ABCB11: variants seen among roughly 807,000 people sequenced by gnomAD.
ABCB11 encodes the protein ATP binding cassette subfamily B member 11, also known as bile salt export pump.
Under a neutral mutation model 148.0 loss-of-function variants are expected in ABCB11, and 95 were observed. The observed-to-expected ratio is 0.64, with a 90% CI of 0.54 to 0.76. The LOEUF (loss-of-function observed/expected upper bound fraction) is 0.76, where lower values mean the gene tolerates loss of function less well. Among genes scored for constraint, ABCB11 ranks in the 30% least tolerant of loss-of-function variants. ABCB11 has a pLI of 0.00. For synonymous variants in ABCB11, 591 were observed against 555.4 expected, an observed-to-expected ratio of 1.06 and a Z score of -0.90; for missense variants, 1,523 against 1,617.8, an observed-to-expected ratio of 0.94 and a Z score of 1.01.
Position 168,995,479 on chromosome 2 carries a change from A to G in ABCB11, c.481T>C (p.Cys161Arg), listed in dbSNP as rs1694683796. The G allele has an allele frequency of 6.2e-7, 1 of 1,609,060 alleles. No individual in the cohort carries two copies. Among genetic ancestry groups the G allele is most frequent in the Non-Finnish European group, 8.5e-7 (1 of 1,177,812 alleles). ...CGAGCTGCGGCAATGACCCAAAAGC[A>G]TATCTGGAAATGGACAAAGGAATGT... ...AVLITGYIQI[C>R]FWVIAAARQI... Residue 161 changes from cysteine (C) to arginine (R), a missense_variant, in exon 7 of 28, where the codon TGC becomes CGC. Coordinates refer to ENST00000650372, the MANE Select transcript of ABCB11 (RefSeq NM_003742.4).
At chr2:169,008,814 A>G (rs1695094516) in intron 5 of ABCB11, among the ~76,000 whole-genome samples, 1 of 152,222 alleles carries the variant, frequency 6.6e-6, no homozygotes, top group Non-Finnish European at 1.5e-5. Context: ...AGAAATGAAG[A>G]CATGTCCACA....
chr2:169,016,943 CT>C, intron 2 of ABCB11, 144 bp from the exon 3 acceptor site: 1 of 596,260 alleles, frequency 1.7e-6, no homozygotes, highest in South Asian at 1.8e-5. Context: ...TTTGCCTTTT[CT>C]TTCTTCCTGC....
intron 11 of ABCB11, among the ~76,000 whole-genome samples, chr2:168,977,681 T>A (rs78001204): frequency 0.036 from 5,413 of 152,206 alleles, 390 homozygotes; most frequent in East Asian, 0.3. Context: ...GATTCATAGT[T>A]CCAAATGGCT....
intron 17 of ABCB11, among the ~76,000 whole-genome samples, chr2:168,965,890 T>A (rs753690828): frequency 7.2e-5 from 11 of 151,860 alleles, no homozygotes; most frequent in Non-Finnish European, 1.5e-4. Flanking sequence ...TTTGTTCCCA[T>A]TTTCTGTTAA....
intron 18 of ABCB11, among the ~76,000 whole-genome samples, chr2:168,963,299 T>C (rs1574438105): frequency 1.3e-5 from 2 of 151,868 alleles, no homozygotes; most frequent in African/African-American, 4.8e-5. Flanking sequence ...CCAAGTTGAT[T>C]CAAACACAAA....
Position 168,969,131 on chromosome 2 carries a change from AG to A in ABCB11, c.2011+218del, listed in dbSNP as rs35908291. ...TGCGCAGGGTTAAAAAAAAAAAAAA[AG>A]GGGGGGATGGAATTGAAAGTTAGAA... On this transcript the variant is annotated intron_variant, in intron 16 of 27. Transcript: ENST00000650372. 0.04 allele frequency among the ~76,000 whole-genome samples: 5,270 copies of A among 132,656 alleles called. 140 individuals are homozygous for A. Among genetic ancestry groups the A allele is most frequent in the African/African-American group, 0.087 (2,819 of 32,460 alleles). 87.0% of individuals were successfully genotyped at this position (132,656 alleles called of 152,430 possible).
chr2:169,023,881 A>T (rs1299058557), intron 1 of ABCB11, among the ~76,000 whole-genome samples: 1 of 152,238 alleles, frequency 6.6e-6, no homozygotes, highest in African/African-American at 2.4e-5. Flanking sequence ...TAAAACAAAA[A>T]GTTCCAGCAA....
chr2:169,009,199 A>G (rs1695106495), intron 5 of ABCB11, among the ~76,000 whole-genome samples: 1 of 152,278 alleles, frequency 6.6e-6, no homozygotes, highest in African/African-American at 2.4e-5. Context: ...TTCTAGAAAT[A>G]CCATTTGACC....
At chr2:168,971,593 G>C (rs1290907216) in intron 14 of ABCB11, among the ~76,000 whole-genome samples, 2 of 151,974 alleles carry the variant, frequency 1.3e-5, no homozygotes, top group African/African-American at 4.8e-5. Context: ...CCCCAGTTTG[G>C]TAGATGTTTA....
intron 1 of ABCB11, among the ~76,000 whole-genome samples, chr2:169,029,177 A>G (rs1256902646): frequency 6.6e-6 from 1 of 151,926 alleles, no homozygotes; most frequent in Non-Finnish European, 1.5e-5. Context: ...CCAGCGCCAC[A>G]AACTCCCCCT....
chr2:169,014,016 T>C (rs1443404903), intron 4 of ABCB11, among the ~76,000 whole-genome samples: 1 of 152,188 alleles, frequency 6.6e-6, no homozygotes, highest in African/African-American at 2.4e-5. Flanking sequence ...AATAAATATA[T>C]ATATGTGATT....
Position 169,014,362 on chromosome 2 carries a change from G to A in ABCB11, c.99-8C>T. On this transcript the variant is annotated splice_region_variant and splice_polypyrimidine_tract_variant and intron_variant, in intron 3 of 27. Transcript: ENST00000650372. ...TTCTTCTCATCTTGTAACCTGATGA[G>A]AAAAACATAAGGATTTAAAGACCAC... 1 of 1,612,524 alleles carries A rather than the reference G, an allele frequency of 6.2e-7. No homozygotes were observed.
In ABCB11 at chr2:168,996,635, T is replaced by C. The variant is rs191042013; in HGVS notation, c.477A>G (p.Gln159=). ...TAAATTATACGGAGGAGCTACTAAC[T>C]TGAATATATCCTGTGATAAGTACTG... ...AVAVLITGYI[Q]ICFWVIAAAR... is the part of the protein sequence containing the mutation. The change falls in exon 6 of 28, where the codon CAA becomes CAG. Residue 159 remains glutamine (Q), a splice_region_variant and synonymous_variant. Coordinates refer to ENST00000650372, the MANE Select transcript of ABCB11 (RefSeq NM_003742.4). 73 of 1,505,872 alleles carry C rather than the reference T, an allele frequency of 4.8e-5. No individual in the cohort carries two copies. The African/African-American group carries it at 7.1e-4, about 15-fold the overall frequency. 93.3% of individuals were successfully genotyped at this position (1,505,872 alleles called of 1,614,324 possible). A position where few individuals can be genotyped will look rare whatever the true frequency, so the allele number is the denominator to read the frequency against.
intron 22 of ABCB11, 144 bp from the exon 23 acceptor site, chr2:168,935,569 G>A (rs1023956039): frequency 7.8e-6 from 9 of 1,154,738 alleles, no homozygotes; most frequent in Non-Finnish European, 1.1e-5. Flanking sequence ...ACAAAGACGT[G>A]GCTGGAGATC....
At chr2:168,984,304 C>G (rs1694241297) in intron 10 of ABCB11, among the ~76,000 whole-genome samples, 1 of 152,098 alleles carries the variant, frequency 6.6e-6, no homozygotes, top group Non-Finnish European at 1.5e-5. Context: ...CTTGTCTTCT[C>G]CATTAAAGTG....
At chr2:168,968,396 G>T (rs1044596989) in intron 17 of ABCB11, 31 bp downstream of exon 17, 2 of 1,598,216 alleles carry the variant, frequency 1.3e-6, no homozygotes, top group African/African-American at 2.7e-5. Context: ...TATTTGGAAA[G>T]CTTGTAATCT....
chr2:169,029,724 C>CTTTTTTT lies in ABCB11; in HGVS notation c.-28+1494_-28+1500dup, dbSNP rs1166356679. On this transcript the variant is annotated intron_variant, in intron 1 of 27. Transcript: ENST00000650372. ...GTCTCTAAATGTACAGTTCTTTCCT[C>CTTTTTTT]TTTTTTTTTTTTTTTTTTTTTTTTT... 3.9e-3 allele frequency among the ~76,000 whole-genome samples: 342 copies of CTTTTTTT among 88,290 alleles called. 49 individuals are homozygous for CTTTTTTT. Among genetic ancestry groups the CTTTTTTT allele is most frequent in the African/African-American group, 0.018 (314 of 17,418 alleles). The allele number at this position is 88,290 out of a possible 152,430, so 57.9% of individuals were successfully genotyped here.
rs1316415257 is a variant in ABCB11 at position 168,995,308 on chromosome 2, C to CA, written c.611+40dup. On this transcript the variant is annotated intron_variant, in intron 7 of 27. Transcript: ENST00000650372. The stretch of plus-strand genomic sequence containing the variant: ...ATTTAGAAACAAGGGTTTTATTATC[C>CA]AAAAATCACACACTAAAATACTGTT... 5.1e-6 allele frequency: 8 copies of CA among 1,562,036 alleles called. No individual in the cohort carries two copies. The South Asian group carries it at 1.0e-4, about 20-fold the overall frequency.
In ABCB11 at chr2:168,976,600, A is replaced by T; in HGVS notation, c.1285T>A (p.Tyr429Asn). 6.2e-7 allele frequency: 1 copy of T among 1,605,726 alleles called. No homozygotes were observed. Among genetic ancestry groups the T allele is most frequent in the Non-Finnish European group, 8.5e-7 (1 of 1,173,552 alleles). Residue 429 changes from tyrosine (Y) to asparagine (N), a missense_variant, in exon 12 of 28, where the codon TAT (tyrosine) becomes AAT (asparagine). Physicochemically the swap from Tyr to Asn is moderately radical, Grantham distance 143 (BLOSUM62 -2). Transcript: ENST00000650372. Reference sequence around the variant, plus strand: ...ACCTTCACCTCTGGTCTGGAAGGATAATGGAAGGTCACATTATGGAATTCA... The same window carrying T: ...ACCTTCACCTCTGGTCTGGAAGGATTATGGAAGGTCACATTATGGAATTCA... ...EIEFHNVTFH[Y>N]PSRPEVKILN... is the part of the protein sequence containing the mutation.
Sources: gnomAD v4.1 joint callset for allele counts (sites outside exome capture counted in the v4.1 genomes callset) on GRCh38, gnomAD v4.1.1 for gene constraint, MANE v1.5 for transcripts, NCBI Gene and HGNC (gene_info 2026-07-23, HGNC 2026-07-21) for gene names.